The following PSIP1 variants were observed in gnomAD, a reference collection of about 807,000 sequenced individuals.
The protein encoded by PSIP1 is PC4 and SRSF1 interacting protein 1, also known as PC4 and SFRS1-interacting protein.
A neutral mutation model predicts 74.7 loss-of-function variants in PSIP1; 19 were observed. That is an observed-to-expected ratio of 0.25 (90% CI 0.18 to 0.37). The LOEUF is 0.37. PSIP1 is among the 10% of genes least tolerant of loss of function. The probability of loss-of-function intolerance (pLI) is 1.00; values close to 1 mark genes in which losing one functional copy is unlikely to be tolerated. For synonymous variants in PSIP1, 222 were observed against 195.3 expected (o/e 1.14, Z -1.14); for missense variants, 601 against 614.3 (o/e 0.98, Z 0.23).
intron 5 of PSIP1, among the ~76,000 whole-genome samples, chr9:15,486,293 G>C (rs2036554396): frequency 6.6e-6 from 1 of 152,184 alleles, no homozygotes; most frequent in African/African-American, 2.4e-5. Flanking sequence ...GGTACACCAG[G>C]AAGTCTGTCT....
At chr9:15,475,249 G>A (rs1465071841) in intron 8 of PSIP1, among the ~76,000 whole-genome samples, 1 of 152,030 alleles carries the variant, frequency 6.6e-6, no homozygotes, top group Non-Finnish European at 1.5e-5. Context: ...TAGCCTCTCT[G>A]GGATTAAAAC....
chr9:15,486,061 G>C lies in PSIP1; in HGVS notation c.401C>G (p.Thr134Ser), dbSNP rs749410335. Reference sequence around the variant, plus strand: ...TGGAGTAGTTATGTCAACTGCTTTAGTCACATCCTAAAAAAGAAAAAAGAA... The same window carrying C: ...TGGAGTAGTTATGTCAACTGCTTTACTCACATCCTAAAAAAGAAAAAAGAA... ...HEEKASNEDV[T>S]KAVDITTPKA... The change falls in exon 6 of 16, where the codon ACT becomes AGT. Residue 134 changes from threonine to serine, a missense_variant. This residue lies in a region of PSIP1 where 538 missense variants were observed against 507.6 expected (regional missense o/e 1.06). Transcript: ENST00000380733. 1 of 1,602,808 alleles carries C rather than the reference G, an allele frequency of 6.2e-7. No individual in the cohort carries two copies. Among genetic ancestry groups the C allele is most frequent in the Non-Finnish European group, 8.5e-7 (1 of 1,173,258 alleles).
At chr9:15,496,463 T>C (rs949009064) in intron 3 of PSIP1, among the ~76,000 whole-genome samples, 5 of 152,258 alleles carry the variant, frequency 3.3e-5, no homozygotes, top group African/African-American at 1.2e-4. Flanking sequence ...AAGTGGTTTA[T>C]TAAAACAGAA....
intron 10 of PSIP1, chr9:15,471,281 A>T (rs375341167): frequency 6.3e-7 from 1 of 1,576,578 alleles, no homozygotes; most frequent in Non-Finnish European, 8.7e-7. Context: ...ATTTCACACA[A>T]GCTGCATCTG....
At chr9:15,505,041 T>TGAC (rs2037522671) in intron 3 of PSIP1, 1 of 147,768 alleles carries the variant, frequency 6.8e-6, no homozygotes, top group Non-Finnish European at 1.5e-5. Context: ...CCGGCTCAGG[T>TGAC]GACGGTTCCA....
intron 8 of PSIP1, 101 bp downstream of exon 8, chr9:15,478,376 A>G (rs1488668025): frequency 2.1e-6 from 2 of 951,906 alleles, no homozygotes; most frequent in South Asian, 1.8e-5. Flanking sequence ...AATAATAACA[A>G]ACATCCTGTA....
intron 3 of PSIP1, among the ~76,000 whole-genome samples, chr9:15,503,521 A>G (rs2037441932): frequency 6.6e-6 from 1 of 152,070 alleles, no homozygotes; most frequent in South Asian, 2.1e-4. Flanking sequence ...AAAAAATACA[A>G]AAATTAGCAA....
intron 6 of PSIP1, 110 bp downstream of exon 6, chr9:15,485,896 G>T (rs1313391134): frequency 2.2e-5 from 22 of 997,056 alleles, no homozygotes; most frequent in Non-Finnish European, 3.0e-5. Context: ...AAATTAAAGG[G>T]TTTAGAATAA....
intron 3 of PSIP1, among the ~76,000 whole-genome samples, chr9:15,499,626 C>CT (rs2037238355): frequency 6.6e-6 from 1 of 152,144 alleles, no homozygotes; most frequent in Admixed American, 6.6e-5. Context: ...GTAATCCCAA[C>CT]ACTTTAGGAG....
chr9:15,487,054 G>C, intron 4 of PSIP1, 123 bp from the exon 5 acceptor site: 1 of 549,326 alleles, frequency 1.8e-6, no homozygotes. Context: ...GCTGGAGGCA[G>C]TGGCGCAATT....
intron 7 of PSIP1, 24 bp downstream of exon 7, chr9:15,479,567 A>G: frequency 6.5e-7 from 1 of 1,541,936 alleles, no homozygotes; most frequent in Non-Finnish European, 8.8e-7. Context: ...AGCCAAACAG[A>G]TATTTAAACA....
intron 6 of PSIP1, among the ~76,000 whole-genome samples, chr9:15,481,902 A>G (rs1221045062): frequency 6.6e-6 from 1 of 152,206 alleles, no homozygotes; most frequent in Non-Finnish European, 1.5e-5. Context: ...TTATCTAAAG[A>G]AAGGACCAAT....
chr9:15,487,805 A>T (rs1220233059), intron 4 of PSIP1, among the ~76,000 whole-genome samples: 1 of 152,212 alleles, frequency 6.6e-6, no homozygotes, highest in Non-Finnish European at 1.5e-5. Context: ...ACCTTTGTTC[A>T]CAGAGGCAAC....
At chr9:15,466,403 C>G (rs187041442) in intron 15 of PSIP1, among the ~76,000 whole-genome samples, 12 of 152,046 alleles carry the variant, frequency 7.9e-5, no homozygotes. Context: ...AACAACAAAA[C>G]TGTGATTCTC....
chr9:15,470,614 CAA>C (rs2035781920), intron 10 of PSIP1: 1 of 950,242 alleles, frequency 1.1e-6, no homozygotes, highest in East Asian at 1.1e-4. Flanking sequence ...TAGACAAGAA[CAA>C]AAAATATCTA....
intron 10 of PSIP1, chr9:15,471,875 A>G (rs889154702): frequency 3.1e-6 from 3 of 982,476 alleles, no homozygotes; most frequent in Non-Finnish European, 3.6e-6. Context: ...ACAACAAAAA[A>G]ACAAAATTTA....
chr9:15,486,511 A>T (rs2036561601), intron 5 of PSIP1, among the ~76,000 whole-genome samples: 1 of 152,164 alleles, frequency 6.6e-6, no homozygotes, highest in Non-Finnish European at 1.5e-5. Context: ...ATTTAGTCTA[A>T]TGCTGTTTCC....
intron 1 of PSIP1, 94 bp downstream of exon 1, chr9:15,510,723 C>G (rs907505977): frequency 6.6e-6 from 1 of 152,456 alleles, no homozygotes; most frequent in South Asian, 2.1e-4. Flanking sequence ...CCTCGGCCCC[C>G]TCGGCTCCCG....
In PSIP1 at chr9:15,485,998, G is replaced by A; in HGVS notation, c.456+8C>T. On this transcript the variant is annotated splice_region_variant and intron_variant, in intron 6 of 15. Transcript: ENST00000380733. ...AGATCCCCATGGTTGGTAAGTCAGT[G>A]AAATTACCTTTCTCTTTCTCCCCCT... is the stretch of plus-strand genomic sequence containing the variant. The A allele has an allele frequency of 6.3e-7, 1 of 1,598,066 alleles. No individual in the cohort carries two copies. Among genetic ancestry groups the A allele is most frequent in the Non-Finnish European group, 8.6e-7 (1 of 1,166,516 alleles).
Sources: allele counts gnomAD v4.1 joint callset (sites outside exome capture counted in the v4.1 genomes callset), GRCh38; gene constraint gnomAD v4.1.1; regional missense constraint gnomAD v4.1.1; transcripts MANE v1.5; gene names NCBI Gene and HGNC (gene_info 2026-07-23, HGNC 2026-07-21).